Variants in PATJ observed in about 807,000 individuals in gnomAD.
PATJ encodes inaD-like protein.
A neutral mutation model predicts 224.9 loss-of-function variants in PATJ; 190 were observed. The ratio of observed to expected loss-of-function variants is 0.84; its 90% CI spans 0.75 to 0.95. The LOEUF is 0.95. PATJ is among the 40% of genes least tolerant of loss of function. The pLI is 0.00. For synonymous variants in PATJ, 769 were observed against 820.3 expected, an observed-to-expected ratio of 0.94 and a Z score of 1.07; for missense variants, 2,121 against 2,270.3, an observed-to-expected ratio of 0.93 and a Z score of 1.34.
At chr1:62,073,132 G>A (rs1426031161) in intron 31 of PATJ, 3 of 985,358 alleles carry the variant, frequency 3.0e-6, no homozygotes, top group Non-Finnish European at 3.6e-6. Context: ...CTCTTCTGGG[G>A]TTGCGTGCGT....
intron 22 of PATJ, among the ~76,000 whole-genome samples, chr1:61,896,863 T>C (rs1393624946): frequency 6.6e-6 from 1 of 152,188 alleles, no homozygotes; most frequent in Non-Finnish European, 1.5e-5. Context: ...CCTTCTGCCA[T>C]GTTTGTAAGT....
At chr1:61,747,212 G>A (rs887246170) in intron 1 of PATJ, among the ~76,000 whole-genome samples, 2 of 148,974 alleles carry the variant, frequency 1.3e-5, no homozygotes, top group Non-Finnish European at 3.0e-5. Flanking sequence ...AGGGTTTTGT[G>A]TAGATTTGGA....
chr1:62,050,075 C>T (rs1325350091), intron 30 of PATJ, among the ~76,000 whole-genome samples: 3 of 146,504 alleles, frequency 2.0e-5, no homozygotes, highest in Non-Finnish European at 4.4e-5. Flanking sequence ...GAGGTCGTGC[C>T]ACTGCACTGC....
chr1:62,075,842 C>A (rs1192574621), intron 31 of PATJ, among the ~76,000 whole-genome samples: 1 of 151,082 alleles, frequency 6.6e-6, no homozygotes, highest in African/African-American at 2.4e-5. Context: ...GATGTGAACC[C>A]GAGAGGCAGA....
intron 33 of PATJ, among the ~76,000 whole-genome samples, chr1:62,106,108 A>G (rs1265967907): frequency 1.2e-5 from 1 of 86,830 alleles, no homozygotes; most frequent in African/African-American, 3.9e-5. Flanking sequence ...ACACACACAC[A>G]CACACACACA....
At chr1:61,833,586 G>C in intron 16 of PATJ, 68 bp from the exon 17 acceptor site, 1 of 1,425,406 alleles carries the variant, frequency 7.0e-7, no homozygotes, top group Non-Finnish European at 9.5e-7. Flanking sequence ...TGAGATTCTT[G>C]ATGTGTGCAT....
In PATJ at chr1:61,856,125, C is replaced by G. The variant is rs1157361348; in HGVS notation, c.2208C>G (p.Arg736=). 6.2e-7 allele frequency: 1 copy of G among 1,613,360 alleles called. No homozygotes were observed. The highest frequency in any genetic ancestry group is 8.5e-7 in the Non-Finnish European group (1 of 1,179,300). ...GTGGGGGACTATTACCTGGAGACCG[C>G]CTGGTCTCAGTCAATGAATACTGTT... The part of the protein sequence containing the change: ...ERSGGLLPGD[R]LVSVNEYCLD... The change falls in exon 18 of 44, where the codon CGC becomes CGG. Residue 736 remains arginine (R), a synonymous_variant. Coordinates refer to ENST00000642238, the MANE Select transcript of PATJ (RefSeq NM_001350145.3).
chr1:61,974,893 C>T (rs1644043657), intron 27 of PATJ, among the ~76,000 whole-genome samples: 1 of 151,884 alleles, frequency 6.6e-6, no homozygotes, highest in African/African-American at 2.4e-5. Flanking sequence ...GACTAGTTTC[C>T]TTCCATCTCC....
intron 41 of PATJ, among the ~76,000 whole-genome samples, chr1:62,141,403 G>T (rs545986152): frequency 6.6e-6 from 1 of 152,152 alleles, no homozygotes; most frequent in Non-Finnish European, 1.5e-5. Flanking sequence ...AGCCGGGCGC[G>T]TTGGCTCATG....
rs866214018 is a variant in PATJ at position 61,827,598 on chromosome 1, T to C, written c.1980+15T>C. ...CTGAGACAGAGGTACTAAATGAATA[T>C]AGTGCATTTCCCATAGGCATGCCCA... is the stretch of plus-strand genomic sequence containing the variant. On this transcript the variant is annotated intron_variant, in intron 16 of 43. Coordinates refer to ENST00000642238, the MANE Select transcript of PATJ (RefSeq NM_001350145.3). 3.1e-6 allele frequency: 5 copies of C among 1,609,938 alleles called. No individual in the cohort carries two copies. In the African/African-American group the frequency reaches 6.7e-5, roughly 21 times the overall value.
intron 27 of PATJ, among the ~76,000 whole-genome samples, chr1:61,985,380 T>A (rs989657953): frequency 5.9e-5 from 9 of 152,070 alleles, no homozygotes; most frequent in African/African-American, 2.2e-4. Flanking sequence ...CAGTGGGATA[T>A]TGATAAGGGA....
chr1:61,771,717 T>C (rs1570390767), intron 6 of PATJ, 91 bp downstream of exon 6: 1 of 991,184 alleles, frequency 1.0e-6, no homozygotes, highest in Non-Finnish European at 1.4e-6. Flanking sequence ...CATTTTACCT[T>C]TCTTTCCTTT....
intron 1 of PATJ, among the ~76,000 whole-genome samples, chr1:61,742,898 G>C (rs1296531750): frequency 6.6e-6 from 1 of 151,922 alleles, no homozygotes; most frequent in Non-Finnish European, 1.5e-5. Flanking sequence ...GAGGGGCGCC[G>C]CCCCGCCTCC....
At chr1:61,999,747 G>A (rs1268011729) in intron 28 of PATJ, among the ~76,000 whole-genome samples, 1 of 152,088 alleles carries the variant, frequency 6.6e-6, no homozygotes, top group African/African-American at 2.4e-5. Flanking sequence ...CAAATACTGG[G>A]TATTATAAGA....
At chr1:62,090,955 A>C (rs1378341315) in intron 33 of PATJ, among the ~76,000 whole-genome samples, 1 of 152,200 alleles carries the variant, frequency 6.6e-6, no homozygotes, top group Non-Finnish European at 1.5e-5. Context: ...CAGGCTTGGG[A>C]ATTATAGAGA....
intron 22 of PATJ, among the ~76,000 whole-genome samples, chr1:61,889,907 T>C (rs1361253585): frequency 1.3e-5 from 2 of 152,304 alleles, no homozygotes; most frequent in Admixed American, 6.5e-5. Context: ...ACTGTATCCT[T>C]CTTTGTTCCT....
At chr1:62,025,397 G>A (rs933812679) in intron 29 of PATJ, among the ~76,000 whole-genome samples, 3 of 152,194 alleles carry the variant, frequency 2.0e-5, no homozygotes, top group African/African-American at 7.2e-5. Flanking sequence ...CCCTGAGGGT[G>A]AGGATCCCAG....
At chr1:61,968,278 T>C (rs1250452644) in intron 27 of PATJ, among the ~76,000 whole-genome samples, 1 of 152,222 alleles carries the variant, frequency 6.6e-6, no homozygotes, top group African/African-American at 2.4e-5. Context: ...TTTCATTCGG[T>C]GGCTTTTCTT....
At chr1:61,881,398 A>C (rs1405933810) in intron 21 of PATJ, among the ~76,000 whole-genome samples, 1 of 124,016 alleles carries the variant, frequency 8.1e-6, no homozygotes, top group Non-Finnish European at 1.7e-5. Flanking sequence ...AACCACAGTT[A>C]AAACAGTTAT....
Sources: allele counts gnomAD v4.1 joint callset (sites outside exome capture counted in the v4.1 genomes callset), GRCh38; gene constraint gnomAD v4.1.1; transcripts MANE v1.5; gene names NCBI Gene and HGNC (gene_info 2026-07-23, HGNC 2026-07-21).